Variants in GPC6 observed in about 807,000 individuals in gnomAD.
GPC6 encodes glypican 6, also known as glypican-6.
Under a neutral mutation model 55.2 loss-of-function variants are expected in GPC6, and 14 were observed. That is an observed-to-expected ratio of 0.25 (90% confidence interval 0.17 to 0.40). The LOEUF is 0.40. Ranked by LOEUF, GPC6 falls within the 10% of genes least tolerant of loss-of-function variation. The pLI is 1.00. For missense variants in GPC6, 641 were observed against 708.5 expected (o/e 0.90, Z 1.08); for synonymous variants, 278 against 259.6 (o/e 1.07, Z -0.68).
chr13:93,794,489 T>G (rs752624943), intron 2 of GPC6, among the ~76,000 whole-genome samples: 4 of 152,202 alleles, frequency 2.6e-5, no homozygotes, highest in Non-Finnish European at 5.9e-5. Context: ...TTTTCTAGTT[T>G]AATACACAAG....
At chr13:93,750,558 G>T (rs1269733067) in intron 2 of GPC6, among the ~76,000 whole-genome samples, 1 of 152,126 alleles carries the variant, frequency 6.6e-6, no homozygotes, top group Non-Finnish European at 1.5e-5. Context: ...GAAGCAGATA[G>T]AGATAGATTC....
intron 4 of GPC6, among the ~76,000 whole-genome samples, chr13:94,076,362 T>C (rs896955428): frequency 6.6e-6 from 1 of 151,940 alleles, no homozygotes; most frequent in Admixed American, 6.6e-5. Flanking sequence ...ACATTGGATA[T>C]TATCTATCTA....
At chr13:93,552,169 G>T (rs60828110) in intron 2 of GPC6, among the ~76,000 whole-genome samples, 5 of 152,234 alleles carry the variant, frequency 3.3e-5, no homozygotes, top group Admixed American at 3.3e-4. Flanking sequence ...ATCAGAATGC[G>T]CTGAACTGAG....
chr13:94,089,785 C>T (rs1008482263), intron 4 of GPC6, among the ~76,000 whole-genome samples: 5 of 152,098 alleles, frequency 3.3e-5, no homozygotes, highest in Admixed American at 6.6e-5. Context: ...CAATCTACGC[C>T]GGTGCATGTC....
At position 93,650,706 on chromosome 13, in the gene GPC6, T is replaced by C. The variant is rs74111522; in HGVS notation, c.319+105285T>C. Reference sequence around the variant, plus strand: ...TCAGATAAAAGGCCACATAAGCTTATTGTTTTAACATTCCTAGTCAATTCA... The same window carrying C: ...TCAGATAAAAGGCCACATAAGCTTACTGTTTTAACATTCCTAGTCAATTCA... On this transcript the variant is annotated intron_variant, in intron 2 of 8. Transcript: ENST00000377047. 2.9e-3 allele frequency among the ~76,000 whole-genome samples: 440 copies of C among 152,316 alleles called. 4 individuals are homozygous for C. Among genetic ancestry groups the C allele is most frequent in the African/African-American group, 9.7e-3 (405 of 41,590 alleles).
intron 1 of GPC6, among the ~76,000 whole-genome samples, chr13:93,501,834 A>C (rs1880531858): frequency 6.6e-6 from 1 of 152,130 alleles, no homozygotes; most frequent in African/African-American, 2.4e-5. Context: ...GTTTCATATA[A>C]ACCAGAAATT....
chr13:93,415,285 A>G (rs1260214240), intron 1 of GPC6, among the ~76,000 whole-genome samples: 3 of 152,116 alleles, frequency 2.0e-5, no homozygotes, highest in Non-Finnish European at 4.4e-5. Flanking sequence ...TATATATCCT[A>G]TTCATATATA....
chr13:94,349,133 C>A (rs1165864883), intron 6 of GPC6, among the ~76,000 whole-genome samples: 3 of 152,182 alleles, frequency 2.0e-5, no homozygotes, highest in African/African-American at 7.2e-5. Flanking sequence ...AAGCTGTGCA[C>A]TTCTGGAGGC....
In GPC6 at chr13:93,781,276, G is replaced by GA. The variant is rs10714640; in HGVS notation, c.320-48864dup. Among the ~76,000 whole-genome samples the GA allele has an allele frequency of 2.2e-3, 293 of 136,232 alleles. 1 individual carries two copies. The highest frequency in any genetic ancestry group is 8.2e-3 in the Middle Eastern group (2 of 244). 89.4% of individuals were successfully genotyped at this position (136,232 alleles called of 152,430 possible). ...GGCAACAGAGTGAGACTCCATCTCC[G>GA]AAAAAAAAAAAAAAGAAAAAAGAAA... On this transcript the variant is annotated intron_variant, in intron 2 of 8. Coordinates refer to ENST00000377047, the MANE Select transcript of GPC6 (RefSeq NM_005708.5).
chr13:93,851,829 C>A (rs1888412494), intron 3 of GPC6, among the ~76,000 whole-genome samples: 1 of 151,560 alleles, frequency 6.6e-6, no homozygotes, highest in Admixed American at 6.6e-5. Flanking sequence ...CCACTTGTTA[C>A]CTAGTGAAAT....
At position 93,496,401 on chromosome 13, in the gene GPC6, C is replaced by T. The variant is rs563021912; in HGVS notation, c.161-48862C>T. Among the ~76,000 whole-genome samples, 9 of 152,332 alleles carry T rather than the reference C, an allele frequency of 5.9e-5. No individual in the cohort carries two copies. The South Asian group carries it at 6.2e-4, about 11-fold the overall frequency. ...TTCGGCTCGCGCACCCACTGGCCTG[C>T]GCCCACTGTCTGGCACTCCCTAGGG... On this transcript the variant is annotated intron_variant, in intron 1 of 8. Coordinates refer to ENST00000377047, the MANE Select transcript of GPC6 (RefSeq NM_005708.5).
intron 2 of GPC6, among the ~76,000 whole-genome samples, chr13:93,569,296 C>A (rs535141238): frequency 6.6e-6 from 1 of 152,068 alleles, no homozygotes; most frequent in Non-Finnish European, 1.5e-5. Flanking sequence ...TTGTCTGATT[C>A]GTAAGTCATT....
intron 1 of GPC6, among the ~76,000 whole-genome samples, chr13:93,333,305 A>G (rs1459949591): frequency 2.6e-5 from 4 of 152,150 alleles, no homozygotes; most frequent in Non-Finnish European, 4.4e-5. Context: ...GGATATTTTA[A>G]TGGTATTAAT....
At chr13:93,639,228 A>C (rs1879814774) in intron 2 of GPC6, among the ~76,000 whole-genome samples, 1 of 152,124 alleles carries the variant, frequency 6.6e-6, no homozygotes, top group Non-Finnish European at 1.5e-5. Context: ...ATTGAAACTC[A>C]CTGGAGCCCA....
chr13:94,403,333 G>A lies in GPC6; in HGVS notation c.*116G>A. 1.3e-6 allele frequency: 1 copy of A among 780,166 alleles called. No individual in the cohort carries two copies. Among genetic ancestry groups the A allele is most frequent in the Non-Finnish European group, 2.2e-6 (1 of 456,354 alleles). 48.3% of individuals were successfully genotyped at this position (780,166 alleles called of 1,614,324 possible). On this transcript the variant is annotated 3_prime_UTR_variant, in exon 9 of 9. Coordinates refer to ENST00000377047, the MANE Select transcript of GPC6 (RefSeq NM_005708.5). ...CACAAAAACTTACCGTTTTCTATGA[G>A]AAGAGAGCAGTAATGCAATCTGCCT... is the stretch of plus-strand genomic sequence containing the variant.
At chr13:93,778,745 C>T (rs1885544757) in intron 2 of GPC6, among the ~76,000 whole-genome samples, 1 of 152,152 alleles carries the variant, frequency 6.6e-6, no homozygotes, top group Non-Finnish European at 1.5e-5. Flanking sequence ...AGATAAATCC[C>T]ATTCCAAGCA....
At chr13:94,265,702 G>C (rs1891780289) in intron 4 of GPC6, among the ~76,000 whole-genome samples, 1 of 152,144 alleles carries the variant, frequency 6.6e-6, no homozygotes. Flanking sequence ...TTGCAGAGAA[G>C]GAAAACTGAG....
At chr13:94,168,809 A>AT (rs1888460078) in intron 4 of GPC6, among the ~76,000 whole-genome samples, 1 of 151,198 alleles carries the variant, frequency 6.6e-6, no homozygotes, top group African/African-American at 2.4e-5. Flanking sequence ...TATTATATTC[A>AT]TTTTTTATTC....
chr13:93,373,512 G>C (rs546407174), intron 1 of GPC6, among the ~76,000 whole-genome samples: 2 of 152,228 alleles, frequency 1.3e-5, no homozygotes, highest in Admixed American at 1.3e-4. Flanking sequence ...AAAGTATAAA[G>C]AGTGACTTTA....
Sources: allele counts gnomAD v4.1 joint callset (sites outside exome capture counted in the v4.1 genomes callset), GRCh38; gene constraint gnomAD v4.1.1; transcripts MANE v1.5; gene names NCBI Gene and HGNC (gene_info 2026-07-23, HGNC 2026-07-21).